ASXL3: variants seen among roughly 807,000 people sequenced by gnomAD.
ASXL3 encodes the protein ASXL transcriptional regulator 3.
Under a neutral mutation model 170.6 loss-of-function variants are expected in ASXL3, and 34 were observed. The ratio of observed to expected loss-of-function variants is 0.20; its 90% CI spans 0.15 to 0.27. The LOEUF is 0.27. Ranked by LOEUF, ASXL3 falls within the 10% of genes least tolerant of loss-of-function variation. ASXL3 has a pLI of 1.00. For synonymous variants in ASXL3, 1,002 were observed against 989.1 expected, an observed-to-expected ratio of 1.01 and a Z score of -0.24; for missense variants, 2,592 against 2,695.3, an observed-to-expected ratio of 0.96 and a Z score of 0.85.
intron 1 of ASXL3, among the ~76,000 whole-genome samples, chr18:33,599,815 T>C (rs1230373148): frequency 2.5e-4 from 38 of 152,056 alleles, no homozygotes; most frequent in Admixed American, 2.5e-3. Context: ...AACAAAGATA[T>C]GCTTATGCCT....
chr18:33,679,590 A>G (rs1027965664), intron 7 of ASXL3, among the ~76,000 whole-genome samples: 1 of 152,128 alleles, frequency 6.6e-6, no homozygotes, highest in Admixed American at 6.6e-5. Flanking sequence ...AGATAGGTCA[A>G]GAAAGTAAGT....
At position 33,739,302 on chromosome 18, in the gene ASXL3, A is replaced by T. The variant is rs373530168; in HGVS notation, c.1898A>T (p.Gln633Leu). The T allele has an allele frequency of 1.3e-5, 21 of 1,613,524 alleles. No homozygotes were observed. The highest frequency in any genetic ancestry group is 1.1e-4 in the African/African-American group (8 of 75,042). The change falls in exon 11 of 12, where the codon CAG becomes CTG. Residue 633 changes from glutamine to leucine, a missense_variant. By Grantham distance (113) the Gln-to-Leu change is moderately radical. This residue lies in a region of ASXL3 where 2,246 missense variants were observed against 2,219.6 expected (regional missense o/e 1.01). Transcript: ENST00000269197. ...CTGCCTTCTCCAGGAGGGGAAACAC[A>T]GTCCACATCAGAAGAATCATGTACT... The part of the protein sequence containing the change: ...TSLPSPGGET[Q>L]STSEESCTPA...
At chr18:33,585,401 G>T (rs953408933) in intron 1 of ASXL3, among the ~76,000 whole-genome samples, 6 of 151,990 alleles carry the variant, frequency 3.9e-5, no homozygotes, top group Non-Finnish European at 8.8e-5. Flanking sequence ...GATTAACCAC[G>T]TTGTTTTCAT....
rs1408101735 is a variant in ASXL3 at position 33,729,108 on chromosome 18, T to C, written c.880-2860T>C. On this transcript the variant is annotated intron_variant, in intron 8 of 11. Transcript: ENST00000269197. ...TGTCTTAGGAACCTCCTCAGCTCTT[T>C]CCTCCCGAAACAGGGCCTGGAACAA... 4.6e-5 allele frequency among the ~76,000 whole-genome samples: 7 copies of C among 151,448 alleles called. No homozygotes were observed. In the South Asian group the frequency reaches 1.3e-3, roughly 27 times the overall value.
intron 8 of ASXL3, among the ~76,000 whole-genome samples, chr18:33,692,491 T>C (rs1056954480): frequency 6.6e-6 from 1 of 152,128 alleles, no homozygotes; most frequent in Non-Finnish European, 1.5e-5. Context: ...ACCAGCTCCT[T>C]CTCATCCACC....
chr18:33,586,206 C>T (rs933880282), intron 1 of ASXL3, among the ~76,000 whole-genome samples: 1 of 151,970 alleles, frequency 6.6e-6, no homozygotes, highest in African/African-American at 2.4e-5. Flanking sequence ...TGTTTATTCT[C>T]CATTTTTTTA....
At position 33,738,685 on chromosome 18, in the gene ASXL3, A is replaced by C. The variant is rs1444647042; in HGVS notation, c.1281A>C (p.Glu427Asp). ...GTGCTACTCTTTGCCCTATGGTAGA[A>C]ATTCCACCTAAAGATATAATGGCAG... is the stretch of plus-strand genomic sequence containing the variant. ...GFCATLCPMV[E>D]IPPKDIMAEL... is the part of the protein sequence containing the mutation. The change falls in exon 11 of 12, where the codon GAA becomes GAC. Residue 427 changes from glutamate (E) to aspartate (D), a missense_variant. By Grantham distance (45) the Glu-to-Asp change is conservative. This residue lies in a region of ASXL3 where 2,246 missense variants were observed against 2,219.6 expected (regional missense o/e 1.01). Coordinates refer to ENST00000269197, the MANE Select transcript of ASXL3 (RefSeq NM_030632.3). The C allele has an allele frequency of 1.2e-6, 2 of 1,614,010 alleles. No individual in the cohort carries two copies. The highest frequency in any genetic ancestry group is 2.2e-5 in the South Asian group (2 of 91,088).
intron 2 of ASXL3, among the ~76,000 whole-genome samples, chr18:33,616,111 T>C (rs1012597606): frequency 6.6e-6 from 1 of 152,132 alleles, no homozygotes; most frequent in Non-Finnish European, 1.5e-5. Flanking sequence ...AGGGACAAAA[T>C]TAAGTAGTTC....
intron 1 of ASXL3, among the ~76,000 whole-genome samples, chr18:33,589,018 T>C (rs7226575): frequency 0.18 from 27,492 of 152,066 alleles, 4,623 homozygotes; most frequent in African/African-American, 0.45. Flanking sequence ...TTAAATACTA[T>C]AGTTATACAT....
chr18:33,587,418 G>T (rs879501219), intron 1 of ASXL3, among the ~76,000 whole-genome samples: 2 of 151,790 alleles, frequency 1.3e-5, no homozygotes, highest in South Asian at 2.1e-4. Flanking sequence ...CTTATATCAC[G>T]CTCCCTCTTT....
chr18:33,648,991 G>T (rs1296074358), intron 4 of ASXL3, among the ~76,000 whole-genome samples: 1 of 152,028 alleles, frequency 6.6e-6, no homozygotes, highest in East Asian at 1.9e-4. Context: ...AATAAGGTGG[G>T]TTCAAGATAA....
chr18:33,612,349 A>G (rs955802728), intron 2 of ASXL3, among the ~76,000 whole-genome samples: 1 of 152,108 alleles, frequency 6.6e-6, no homozygotes, highest in Non-Finnish European at 1.5e-5. Context: ...GAAGCAGACT[A>G]TAAATATATA....
At chr18:33,609,334 T>C (rs2065298557) in intron 2 of ASXL3, among the ~76,000 whole-genome samples, 2 of 151,966 alleles carry the variant, frequency 1.3e-5, no homozygotes, top group Admixed American at 1.3e-4. Context: ...ATCTGCCAAC[T>C]TGGACATAAA....
intron 8 of ASXL3, among the ~76,000 whole-genome samples, chr18:33,698,325 C>T (rs1194821207): frequency 6.6e-6 from 1 of 152,158 alleles, no homozygotes; most frequent in Non-Finnish European, 1.5e-5. Flanking sequence ...CTCACAGCCC[C>T]TAGAACTGTG....
At chr18:33,624,919 G>A (rs888755026) in intron 2 of ASXL3, among the ~76,000 whole-genome samples, 8 of 152,100 alleles carry the variant, frequency 5.3e-5, no homozygotes, top group Admixed American at 5.2e-4. Flanking sequence ...TTTGCTGCCT[G>A]TTAAACTAAA....
chr18:33,590,028 C>T (rs1599372961), intron 1 of ASXL3, among the ~76,000 whole-genome samples: 1 of 149,150 alleles, frequency 6.7e-6, no homozygotes, highest in Non-Finnish European at 1.5e-5. Context: ...AAAAGGCTCA[C>T]ATAACTGAGA....
chr18:33,581,716 T>A (rs1177640688), intron 1 of ASXL3, among the ~76,000 whole-genome samples: 1 of 152,162 alleles, frequency 6.6e-6, no homozygotes, highest in African/African-American at 2.4e-5. Context: ...TCCAAATTTG[T>A]AAACTCTGGA....
chr18:33,675,954 A>ACG lies in ASXL3; in HGVS notation c.715+4088_715+4089insCG, dbSNP rs1568321087. On this transcript the variant is annotated intron_variant, in intron 7 of 11. Transcript: ENST00000269197. ...AAAAATTCCTCGGTTGGCTGGGTGC[A>ACG]GTGGCTCACACCTGTAATCCAGCAC... Among the ~76,000 whole-genome samples the ACG allele has an allele frequency of 9.2e-5, 14 of 151,750 alleles. No individual in the cohort carries two copies. In the East Asian group the frequency reaches 2.7e-3, roughly 30 times the overall value.
chr18:33,674,712 G>A (rs535705001), intron 7 of ASXL3, among the ~76,000 whole-genome samples: 5 of 151,260 alleles, frequency 3.3e-5, no homozygotes, highest in African/African-American at 7.3e-5. Flanking sequence ...TCTGCCTCTC[G>A]GGTTCACCCC....
Sources: gnomAD v4.1 joint callset for allele counts (sites outside exome capture counted in the v4.1 genomes callset) on GRCh38, gnomAD v4.1.1 for gene constraint, gnomAD v4.1.1 regional missense constraint, MANE v1.5 for transcripts, NCBI Gene and HGNC (gene_info 2026-07-23, HGNC 2026-07-21) for gene names.